The following WWOX variants were observed in gnomAD, a reference collection of about 807,000 sequenced individuals.
WWOX encodes the protein WW domain containing oxidoreductase.
Under a neutral mutation model 46.2 loss-of-function variants are expected in WWOX, and 69 were observed. That is an observed-to-expected ratio of 1.49 (90% CI 1.23 to 1.82). WWOX has a LOEUF of 1.82. Among genes scored for constraint, WWOX ranks in the 40% most tolerant of loss-of-function variants. WWOX has a pLI of 0.00. For synonymous variants in WWOX, 359 were observed against 202.6 expected (o/e 1.77, Z -6.56); for missense variants, 919 against 542.6 (o/e 1.69, Z -6.89).
At chr16:78,144,523 ATTTTT>A (rs138841166) in intron 4 of WWOX, among the ~76,000 whole-genome samples, 8 of 18,634 alleles carry the variant, frequency 4.3e-4, no homozygotes, top group African/African-American at 2.1e-3. Flanking sequence ...ATATATATAT[ATTTTT>A]TTTTTTTTTT....
At chr16:78,953,827 G>C (rs1465670833) in intron 8 of WWOX, among the ~76,000 whole-genome samples, 1 of 152,128 alleles carries the variant, frequency 6.6e-6, no homozygotes, top group East Asian at 1.9e-4. Context: ...GGGCATGATC[G>C]AGCCACTCTC....
At chr16:78,527,591 G>C (rs1042862031) in intron 8 of WWOX, among the ~76,000 whole-genome samples, 1 of 152,074 alleles carries the variant, frequency 6.6e-6, no homozygotes, top group Non-Finnish European at 1.5e-5. Context: ...ATCGCGCCCA[G>C]CCAGACTTGT....
intron 8 of WWOX, among the ~76,000 whole-genome samples, chr16:78,842,233 C>A (rs1168719364): frequency 6.6e-6 from 1 of 151,868 alleles, no homozygotes; most frequent in African/African-American, 2.4e-5. Context: ...GTGGCTCTCT[C>A]CTGTAATCTC....
intron 8 of WWOX, among the ~76,000 whole-genome samples, chr16:79,162,803 G>A (rs2050513332): frequency 6.6e-6 from 1 of 152,080 alleles, no homozygotes; most frequent in Non-Finnish European, 1.5e-5. Flanking sequence ...GAGACTTCAG[G>A]TGGATCTGGA....
chr16:78,662,073 AGTG>A (rs200640879), intron 8 of WWOX, among the ~76,000 whole-genome samples: 350 of 149,868 alleles, frequency 2.3e-3, no homozygotes, highest in African/African-American at 7.9e-3. Flanking sequence ...TAGTAGTAGT[AGTG>A]GTGGTGGTGG....
At chr16:79,146,151 A>G (rs1305476064) in intron 8 of WWOX, among the ~76,000 whole-genome samples, 2 of 152,362 alleles carry the variant, frequency 1.3e-5, no homozygotes, top group East Asian at 1.9e-4. Flanking sequence ...AGTGTATGAT[A>G]TGAAGTAGGC....
intron 8 of WWOX, among the ~76,000 whole-genome samples, chr16:78,909,348 C>T (rs934922013): frequency 6.6e-6 from 1 of 152,170 alleles, no homozygotes; most frequent in Admixed American, 6.5e-5. Context: ...GTAAGAGTGG[C>T]CTTCGAGCCT....
At position 78,495,039 on chromosome 16, in the gene WWOX, G is replaced by A. The variant is rs140397325; in HGVS notation, c.1056+62287G>A. On this transcript the variant is annotated intron_variant, in intron 8 of 8. Transcript: ENST00000566780. The stretch of plus-strand genomic sequence containing the variant: ...TCGGACATGACGTACTGCAAAGTGA[G>A]GATGTTTCATTGATTTATATTTTTA... Among the ~76,000 whole-genome samples, 477 of 152,104 alleles carry A rather than the reference G, an allele frequency of 3.1e-3. 4 individuals are homozygous for A. The highest frequency in any genetic ancestry group is 0.01 in the African/African-American group (430 of 41,514).
At chr16:78,546,111 A>G (rs992568783) in intron 8 of WWOX, among the ~76,000 whole-genome samples, 4 of 152,140 alleles carry the variant, frequency 2.6e-5, no homozygotes, top group Non-Finnish European at 5.9e-5. Context: ...TTTTTTATGG[A>G]AGAAGAAAGA....
At chr16:78,825,020 C>G (rs2051609946) in intron 8 of WWOX, among the ~76,000 whole-genome samples, 1 of 152,148 alleles carries the variant, frequency 6.6e-6, no homozygotes, top group Non-Finnish European at 1.5e-5. Flanking sequence ...TCTGTGGTTT[C>G]TCTCTCACCA....
intron 8 of WWOX, among the ~76,000 whole-genome samples, chr16:78,949,960 A>G (rs1475981248): frequency 6.6e-6 from 1 of 152,178 alleles, no homozygotes; most frequent in Non-Finnish European, 1.5e-5. Flanking sequence ...CTTTTCATGC[A>G]TTATTTAACC....
rs192715581 is a variant in WWOX at position 78,929,228 on chromosome 16, T to C, written c.1057-282380T>C. On this transcript the variant is annotated intron_variant, in intron 8 of 8. Transcript: ENST00000566780. ...TATTTTCATAAACTCTTCAGTTCTG[T>C]TGGGCTTTTATGTTATCATACAGTG... 5.0e-3 allele frequency among the ~76,000 whole-genome samples: 757 copies of C among 151,426 alleles called. 7 individuals are homozygous for C. Among genetic ancestry groups the C allele is most frequent in the African/African-American group, 0.018 (727 of 40,974 alleles).
intron 8 of WWOX, among the ~76,000 whole-genome samples, chr16:79,170,615 T>C (rs56790805): frequency 0.17 from 19,545 of 112,206 alleles, 2,565 homozygotes; most frequent in African/African-American, 0.42. Context: ...AATTTTTTAC[T>C]TAAACCACAC....
intron 8 of WWOX, among the ~76,000 whole-genome samples, chr16:78,615,810 G>C (rs940076046): frequency 6.6e-6 from 1 of 151,620 alleles, no homozygotes; most frequent in Admixed American, 6.6e-5. Context: ...GAGTGCAGTG[G>C]CACAGTCTCC....
intron 8 of WWOX, among the ~76,000 whole-genome samples, chr16:78,469,366 C>G (rs1382079542): frequency 1.3e-5 from 2 of 152,180 alleles, no homozygotes; most frequent in African/African-American, 4.8e-5. Flanking sequence ...AAGGCAGACT[C>G]TTAAGCTACA....
intron 8 of WWOX, among the ~76,000 whole-genome samples, chr16:78,801,406 G>C (rs2050884977): frequency 6.6e-6 from 1 of 152,120 alleles, no homozygotes; most frequent in Non-Finnish European, 1.5e-5. Flanking sequence ...CTACTCAGGA[G>C]GCTGAGGCAG....
chr16:78,753,825 A>ATATATAT (rs1290082739), intron 8 of WWOX, among the ~76,000 whole-genome samples: 3 of 21,346 alleles, frequency 1.4e-4, no homozygotes, highest in Non-Finnish European at 2.4e-4. Context: ...AAAAAAAAAA[A>ATATATAT]ATATATATAT....
intron 5 of WWOX, among the ~76,000 whole-genome samples, chr16:78,229,020 G>C (rs2037160860): frequency 6.6e-6 from 1 of 152,066 alleles, no homozygotes; most frequent in Non-Finnish European, 1.5e-5. Context: ...AATTATGCCA[G>C]GGCTGGTTTG....
At chr16:78,141,324 T>C (rs575645181) in intron 4 of WWOX, among the ~76,000 whole-genome samples, 1 of 152,240 alleles carries the variant, frequency 6.6e-6, no homozygotes, top group Admixed American at 6.5e-5. Flanking sequence ...TTGTCAAGTA[T>C]ACAACACTTC....
Sources: gnomAD v4.1 joint callset for allele counts (sites outside exome capture counted in the v4.1 genomes callset) on GRCh38, gnomAD v4.1.1 for gene constraint, MANE v1.5 for transcripts, NCBI Gene and HGNC (gene_info 2026-07-23, HGNC 2026-07-21) for gene names.